PTPRG: variants seen among roughly 807,000 people sequenced by gnomAD.
PTPRG encodes protein tyrosine phosphatase receptor type G, also known as receptor-type tyrosine-protein phosphatase gamma.
Under a neutral mutation model 165.3 loss-of-function variants are expected in PTPRG, and 102 were observed. That is an observed-to-expected ratio of 0.62 (90% confidence interval 0.53 to 0.73). The LOEUF is 0.73. PTPRG is among the 30% of genes least tolerant of loss of function. PTPRG has a pLI of 0.00. For missense variants in PTPRG, 1,866 were observed against 1,861.4 expected (o/e 1.00, Z -0.05); for synonymous variants, 675 against 669.5 (o/e 1.01, Z -0.13).
chr3:61,617,081 G>A (rs1005203942), intron 1 of PTPRG, among the ~76,000 whole-genome samples: 3 of 152,326 alleles, frequency 2.0e-5, no homozygotes, highest in African/African-American at 4.8e-5. Flanking sequence ...CTTGGTATTT[G>A]AGGGACAATG....
intron 4 of PTPRG, among the ~76,000 whole-genome samples, chr3:62,034,508 C>T (rs1699880023): frequency 6.6e-6 from 1 of 152,180 alleles, no homozygotes; most frequent in South Asian, 2.1e-4. Flanking sequence ...GCAAGCTGCT[C>T]AGAGCCATGT....
intron 1 of PTPRG, among the ~76,000 whole-genome samples, chr3:61,577,395 C>T (rs1426967294): frequency 1.3e-5 from 2 of 152,076 alleles, no homozygotes; most frequent in Non-Finnish European, 2.9e-5. Context: ...GCTCTCTGTT[C>T]AATATGGTAG....
intron 1 of PTPRG, among the ~76,000 whole-genome samples, chr3:61,672,707 TG>T (rs1481629621): frequency 8.8e-6 from 1 of 113,864 alleles, no homozygotes; most frequent in Non-Finnish European, 1.8e-5. Flanking sequence ...AGGGAGACCG[TG>T]GAAAGAGAGG....
rs183993846 is a variant in PTPRG, at chr3:62,051,281, G to A, written c.520-26882G>A. ...GATTGCTCTGGTTACTAATTTCAAA[G>A]TCAGTTGCTATGAGCATCATTTGGC... On this transcript the variant is annotated intron_variant, in intron 4 of 29. Transcript: ENST00000474889. Among the ~76,000 whole-genome samples, 458 of 152,252 alleles carry A rather than the reference G, an allele frequency of 3.0e-3. 2 individuals are homozygous for A. The highest frequency in any genetic ancestry group is 0.01 in the African/African-American group (421 of 41,548).
At chr3:61,573,264 G>T (rs570772046) in intron 1 of PTPRG, among the ~76,000 whole-genome samples, 1 of 152,064 alleles carries the variant, frequency 6.6e-6, no homozygotes, top group Non-Finnish European at 1.5e-5. Context: ...CGGGGGACAA[G>T]GGGGGGAAAG....
intron 21 of PTPRG, among the ~76,000 whole-genome samples, chr3:62,272,414 T>C (rs1258335036): frequency 1.3e-5 from 2 of 152,248 alleles, no homozygotes; most frequent in Admixed American, 1.3e-4. Flanking sequence ...AAAAATGCTT[T>C]TATTCTGTTT....
rs552159169 is a variant in PTPRG, at chr3:61,642,423, A to G, written c.85+80051A>G. ...GATGCTTGATTCAGGTTTGGAGAGCAGCTTAGTGTCCTCAGATAATTCTGG... is the reference window on the plus strand; with the variant it reads ...GATGCTTGATTCAGGTTTGGAGAGCGGCTTAGTGTCCTCAGATAATTCTGG... On this transcript the variant is annotated intron_variant, in intron 1 of 29. Transcript: ENST00000474889. Among the ~76,000 whole-genome samples the G allele has an allele frequency of 3.9e-5, 6 of 152,324 alleles. No homozygotes were observed. The East Asian group carries it at 1.2e-3, about 29-fold the overall frequency.
At chr3:62,161,504 C>A (rs963385904) in intron 7 of PTPRG, among the ~76,000 whole-genome samples, 5 of 152,134 alleles carry the variant, frequency 3.3e-5, no homozygotes, top group Admixed American at 1.3e-4. Context: ...CTCAAGGCCA[C>A]GACAACTGGT....
intron 1 of PTPRG, among the ~76,000 whole-genome samples, chr3:61,649,527 C>G (rs1702290937): frequency 6.6e-6 from 1 of 152,116 alleles, no homozygotes; most frequent in African/African-American, 2.4e-5. Context: ...TATCTGAAGA[C>G]TCTTTTATAT....
chr3:61,587,954 T>G (rs1301501444), intron 1 of PTPRG, among the ~76,000 whole-genome samples: 4 of 99,766 alleles, frequency 4.0e-5, no homozygotes, highest in Non-Finnish European at 8.1e-5. Context: ...CCACTGCAGC[T>G]GTCCCATTTT....
chr3:62,227,154 C>T (rs1354846323), intron 13 of PTPRG, among the ~76,000 whole-genome samples: 2 of 152,268 alleles, frequency 1.3e-5, no homozygotes, highest in South Asian at 2.1e-4. Context: ...CCACATGTGC[C>T]TCACTGGAAC....
intron 2 of PTPRG, among the ~76,000 whole-genome samples, chr3:61,826,831 GTT>G (rs71629146): frequency 2.0e-4 from 27 of 133,462 alleles, no homozygotes; most frequent in African/African-American, 6.8e-4. Flanking sequence ...AAATGGAAAG[GTT>G]TTTTTTTTTT....
intron 1 of PTPRG, among the ~76,000 whole-genome samples, chr3:61,694,028 AGAG>A (rs1263435589): frequency 1.7e-5 from 2 of 115,096 alleles, no homozygotes; most frequent in Non-Finnish European, 3.8e-5. Flanking sequence ...AAAAAAAAAG[AGAG>A]AGAGAGAGAG....
intron 2 of PTPRG, among the ~76,000 whole-genome samples, chr3:61,857,353 C>T (rs937129752): frequency 2.6e-5 from 4 of 152,134 alleles, no homozygotes; most frequent in African/African-American, 9.7e-5. Flanking sequence ...CAGCAGCTCC[C>T]ACAGCAACAT....
chr3:62,119,661 C>G (rs556308128), intron 5 of PTPRG, among the ~76,000 whole-genome samples: 25 of 151,842 alleles, frequency 1.6e-4, no homozygotes, highest in Non-Finnish European at 2.5e-4. Context: ...TGCTTTGTCA[C>G]CCAGGCTGCA....
chr3:62,146,806 G>A (rs1001881708), intron 6 of PTPRG, among the ~76,000 whole-genome samples: 1 of 152,150 alleles, frequency 6.6e-6, no homozygotes, highest in Admixed American at 6.5e-5. Flanking sequence ...ATAAACAAAT[G>A]AGCTGTGTAC....
At chr3:62,108,056 T>A (rs553955175) in intron 5 of PTPRG, among the ~76,000 whole-genome samples, 57 of 152,110 alleles carry the variant, frequency 3.7e-4, no homozygotes, top group African/African-American at 1.0e-3. Context: ...CTTTTTTTTT[T>A]TTATTATTAT....
chr3:61,959,053 A>G lies in PTPRG; in HGVS notation c.191-30572A>G, dbSNP rs145289212. 2.5e-3 allele frequency among the ~76,000 whole-genome samples: 383 copies of G among 152,326 alleles called. 1 individual carries two copies. The highest frequency in any genetic ancestry group is 4.5e-3 in the Non-Finnish European group (306 of 68,022). ...CTTGGTCTGATGGTACTGCTGTACC[A>G]TGGTACCAGCATCTGTCAGTCTGAT... On this transcript the variant is annotated intron_variant, in intron 2 of 29. Coordinates refer to ENST00000474889, the MANE Select transcript of PTPRG (RefSeq NM_002841.4).
chr3:61,711,383 C>T (rs1041202036), intron 1 of PTPRG, among the ~76,000 whole-genome samples: 4 of 152,204 alleles, frequency 2.6e-5, no homozygotes, highest in Non-Finnish European at 5.9e-5. Context: ...TTCACACTCC[C>T]ACCAACAGTG....
Sources: allele counts gnomAD v4.1 joint callset (sites outside exome capture counted in the v4.1 genomes callset), GRCh38; gene constraint gnomAD v4.1.1; transcripts MANE v1.5; gene names NCBI Gene and HGNC (gene_info 2026-07-23, HGNC 2026-07-21).